The following TMEM132B variants were observed in gnomAD, a reference collection of about 807,000 sequenced individuals.
The protein encoded by TMEM132B is transmembrane protein 132B.
In TMEM132B, 18 loss-of-function variants were observed where a neutral mutation model predicts 90.8. The ratio of observed to expected loss-of-function variants is 0.20; its 90% confidence interval spans 0.14 to 0.29. TMEM132B has a LOEUF of 0.29. TMEM132B is among the 10% of genes least tolerant of loss of function. The pLI, the probability that TMEM132B is intolerant of heterozygous loss-of-function variation, is 1.00. For missense variants in TMEM132B, 1,096 were observed against 1,326.8 expected (o/e 0.83, Z 2.70); for synonymous variants, 504 against 523.3 (o/e 0.96, Z 0.50).
At chr12:125,386,235 G>T (rs1878828471) in intron 2 of TMEM132B, among the ~76,000 whole-genome samples, 1 of 152,164 alleles carries the variant, frequency 6.6e-6, no homozygotes, top group Admixed American at 6.5e-5. Flanking sequence ...TGATCTGCCT[G>T]CCTCGGTCTT....
Position 125,221,944 on chromosome 12 carries a change from G to T in TMEM132B, c.67+35078G>T, listed in dbSNP as rs572852850. Among the ~76,000 whole-genome samples, 181 of 152,324 alleles carry T rather than the reference G, an allele frequency of 1.2e-3. 1 individual carries two copies. The highest frequency in any genetic ancestry group is 4.0e-3 in the African/African-American group (167 of 41,572). ...AATCCAGTGAGGCTGGTAAGATGAC[G>T]CCTGCTCATGGAGCGGTTGTGGAGC... is the stretch of plus-strand genomic sequence containing the variant. On this transcript the variant is annotated intron_variant, in intron 1 of 8. Coordinates refer to ENST00000682704, the MANE Select transcript of TMEM132B (RefSeq NM_001366854.1).
intron 1 of TMEM132B, among the ~76,000 whole-genome samples, chr12:125,230,503 C>T (rs564582275): frequency 2.6e-5 from 4 of 151,770 alleles, no homozygotes; most frequent in East Asian, 3.9e-4. Context: ...TTTTCTGAGA[C>T]GGAGTCTCGC....
At chr12:125,272,258 G>C (rs1217679462) in intron 1 of TMEM132B, among the ~76,000 whole-genome samples, 3 of 152,226 alleles carry the variant, frequency 2.0e-5, no homozygotes, top group African/African-American at 4.8e-5. Context: ...GGAGGGCTTT[G>C]AATTCCGAGC....
At chr12:125,348,645 C>T (rs980876031) in intron 1 of TMEM132B, among the ~76,000 whole-genome samples, 24 of 152,224 alleles carry the variant, frequency 1.6e-4, no homozygotes, top group Admixed American at 1.3e-4. Context: ...GTGCTTTGTA[C>T]TTATTAACTC....
At chr12:125,640,630 A>G (rs16919338) in intron 5 of TMEM132B, among the ~76,000 whole-genome samples, 9,086 of 152,106 alleles carry the variant, frequency 0.06, 346 homozygotes, top group African/African-American at 0.092. Flanking sequence ...GACAGAGGTG[A>G]TCCAAGCAGA....
chr12:125,566,553 G>A (rs1884661970), intron 4 of TMEM132B, among the ~76,000 whole-genome samples: 1 of 152,196 alleles, frequency 6.6e-6, no homozygotes, highest in Non-Finnish European at 1.5e-5. Context: ...TGGCGGGGTT[G>A]AGAGTTCCCT....
At chr12:125,573,571 T>A (rs2345462) in intron 4 of TMEM132B, among the ~76,000 whole-genome samples, 1 of 152,206 alleles carries the variant, frequency 6.6e-6, no homozygotes, top group Non-Finnish European at 1.5e-5. Context: ...AAGTTACTTG[T>A]GACTCCTAAA....
chr12:125,564,535 G>A (rs549658590), intron 4 of TMEM132B, among the ~76,000 whole-genome samples: 6 of 152,180 alleles, frequency 3.9e-5, no homozygotes, highest in Non-Finnish European at 8.8e-5. Context: ...CAGATTGTTC[G>A]TGAAAGCTTC....
chr12:125,324,875 C>T (rs1490166243), intron 1 of TMEM132B, among the ~76,000 whole-genome samples: 2 of 152,148 alleles, frequency 1.3e-5, no homozygotes, highest in African/African-American at 4.8e-5. Context: ...ATCTTATCAG[C>T]TTGAAAGGTG....
intron 1 of TMEM132B, among the ~76,000 whole-genome samples, chr12:125,292,209 T>C (rs990423898): frequency 6.6e-6 from 1 of 152,250 alleles, no homozygotes; most frequent in African/African-American, 2.4e-5. Context: ...TTAAACCTTC[T>C]AATTCTCCTC....
chr12:125,318,783 A>G (rs976818969), intron 1 of TMEM132B, among the ~76,000 whole-genome samples: 7 of 152,096 alleles, frequency 4.6e-5, no homozygotes, highest in African/African-American at 1.7e-4. Context: ...ATTTGGGTTG[A>G]TTCCATGTGC....
intron 4 of TMEM132B, among the ~76,000 whole-genome samples, chr12:125,556,752 A>T (rs1336276994): frequency 6.6e-6 from 1 of 152,130 alleles, no homozygotes; most frequent in Non-Finnish European, 1.5e-5. Context: ...TATAGACATT[A>T]CATCTGTGTT....
At chr12:125,253,686 A>T (rs986406157) in intron 1 of TMEM132B, among the ~76,000 whole-genome samples, 1 of 152,116 alleles carries the variant, frequency 6.6e-6, no homozygotes, top group African/African-American at 2.4e-5. Context: ...CTCCTGCCTC[A>T]GCCTTCCCAA....
At chr12:125,620,973 C>T (rs576894919) in intron 5 of TMEM132B, among the ~76,000 whole-genome samples, 1 of 152,164 alleles carries the variant, frequency 6.6e-6, no homozygotes, top group Admixed American at 6.5e-5. Flanking sequence ...CCATATCACA[C>T]AGACAACTGA....
At chr12:125,461,388 A>C (rs1881432037) in intron 3 of TMEM132B, among the ~76,000 whole-genome samples, 1 of 152,182 alleles carries the variant, frequency 6.6e-6, no homozygotes, top group African/African-American at 2.4e-5. Flanking sequence ...AAACCCACAC[A>C]TGCTCACTGT....
chr12:125,598,450 G>T (rs2136913028), intron 5 of TMEM132B, among the ~76,000 whole-genome samples: 1 of 152,224 alleles, frequency 6.6e-6, no homozygotes, highest in East Asian at 1.9e-4. Context: ...CTGAGGAAGG[G>T]TCTTTCAGTG....
rs149714824 is a variant in TMEM132B at position 125,277,334 on chromosome 12, C to A, written c.68-72118C>A. 0.1 allele frequency among the ~76,000 whole-genome samples: 15,421 copies of A among 151,958 alleles called. 841 individuals carry two copies. The highest frequency in any genetic ancestry group is 0.11 in the Non-Finnish European group (7,625 of 67,934). On this transcript the variant is annotated intron_variant, in intron 1 of 8. Coordinates refer to ENST00000682704, the MANE Select transcript of TMEM132B (RefSeq NM_001366854.1). This position sits in a 1 kb window ranked among gnomAD's most constrained non-coding sequence, Gnocchi z 4.3. Reference sequence around the variant, plus strand: ...TCTCTACTAAAAATACAAAAATTAGCTGGGCGTGGTGGTGGGCTCCTGTAA... The same window carrying A: ...TCTCTACTAAAAATACAAAAATTAGATGGGCGTGGTGGTGGGCTCCTGTAA...
chr12:125,541,647 A>G (rs1883960060), intron 4 of TMEM132B, among the ~76,000 whole-genome samples: 1 of 152,178 alleles, frequency 6.6e-6, no homozygotes, highest in Admixed American at 6.5e-5. Flanking sequence ...CTCAGCTTCC[A>G]TAGTGCTATC....
intron 2 of TMEM132B, among the ~76,000 whole-genome samples, chr12:125,398,323 C>T (rs1593122786): frequency 1.3e-5 from 2 of 152,262 alleles, no homozygotes; most frequent in South Asian, 2.1e-4. Context: ...GGTATCTCAT[C>T]GATTGAAAAC....
Sources: gnomAD v4.1 joint callset for allele counts (sites outside exome capture counted in the v4.1 genomes callset) on GRCh38, gnomAD v4.1.1 for gene constraint, Gnocchi (gnomAD v3.1) non-coding constraint, MANE v1.5 for transcripts, NCBI Gene and HGNC (gene_info 2026-07-23, HGNC 2026-07-21) for gene names.